Variants in IQCM observed in about 807,000 individuals in gnomAD.
IQCM encodes the protein IQ motif containing M.
Under a neutral mutation model 57.6 loss-of-function variants are expected in IQCM, and 45 were observed. That is an observed-to-expected ratio of 0.78 (90% CI 0.62 to 1.00). IQCM has a LOEUF of 1.00. Ranked by LOEUF, IQCM falls within the 50% of genes least tolerant of loss-of-function variation. The pLI, the probability that IQCM is intolerant of heterozygous loss-of-function variation, is 0.00. For missense variants in IQCM, 468 were observed against 511.6 expected, an observed-to-expected ratio of 0.91 and a Z score of 0.82; for synonymous variants, 148 against 158.9, an observed-to-expected ratio of 0.93 and a Z score of 0.51.
At chr4:149,494,676 G>A (rs1254551441) in intron 12 of IQCM, among the ~76,000 whole-genome samples, 1 of 152,072 alleles carries the variant, frequency 6.6e-6, no homozygotes, top group Non-Finnish European at 1.5e-5. Context: ...TTCTTGACAA[G>A]CATAAAGAAT....
At chr4:149,487,647 C>T (rs1214693609) in intron 12 of IQCM, among the ~76,000 whole-genome samples, 5 of 152,156 alleles carry the variant, frequency 3.3e-5, no homozygotes, top group African/African-American at 7.2e-5. Context: ...AGGTAAGCTC[C>T]AAGTGCTCCC....
At chr4:149,563,916 A>T in intron 9 of IQCM, 26 bp from the exon 10 acceptor site, 2 of 1,101,914 alleles carry the variant, frequency 1.8e-6, no homozygotes, top group Non-Finnish European at 2.3e-6. Context: ...ATTTCTTATT[A>T]TACATAATAT....
intron 7 of IQCM, among the ~76,000 whole-genome samples, chr4:149,653,333 A>G (rs1355898100): frequency 6.6e-6 from 1 of 152,154 alleles, no homozygotes; most frequent in East Asian, 1.9e-4. Flanking sequence ...AGACAAAGCC[A>G]CTAAGAATTT....
intron 9 of IQCM, among the ~76,000 whole-genome samples, chr4:149,574,286 T>G (rs1456547385): frequency 6.6e-6 from 1 of 151,992 alleles, no homozygotes; most frequent in Non-Finnish European, 1.5e-5. Context: ...GAGCAAATTG[T>G]CATTTTTACA....
intron 5 of IQCM, among the ~76,000 whole-genome samples, chr4:149,714,264 C>T (rs1764807229): frequency 6.6e-6 from 1 of 152,152 alleles, no homozygotes; most frequent in African/African-American, 2.4e-5. Context: ...TCCTCACTTG[C>T]TGCTCCTTCT....
At chr4:149,527,125 T>C (rs891605622) in intron 12 of IQCM, among the ~76,000 whole-genome samples, 2 of 152,152 alleles carry the variant, frequency 1.3e-5, no homozygotes, top group South Asian at 2.1e-4. Context: ...ATGATTATCG[T>C]TCCCATAAAC....
intron 9 of IQCM, among the ~76,000 whole-genome samples, chr4:149,568,357 A>C (rs1750833654): frequency 6.6e-6 from 1 of 152,138 alleles, no homozygotes; most frequent in African/African-American, 2.4e-5. Flanking sequence ...ATGATCCTTG[A>C]CCTTGTTACA....
At chr4:149,773,784 A>G (rs1336053850) in intron 2 of IQCM, among the ~76,000 whole-genome samples, 1 of 152,136 alleles carries the variant, frequency 6.6e-6, no homozygotes, top group Non-Finnish European at 1.5e-5. Context: ...GCAAGTGTTC[A>G]ATACTACTGG....
At chr4:149,702,035 G>T (rs1763809627) in intron 5 of IQCM, among the ~76,000 whole-genome samples, 1 of 151,856 alleles carries the variant, frequency 6.6e-6, no homozygotes, top group Non-Finnish European at 1.5e-5. Flanking sequence ...ATCTAATCCA[G>T]TATAAATATT....
chr4:149,665,104 T>G (rs1167809000), intron 7 of IQCM, among the ~76,000 whole-genome samples: 2 of 152,080 alleles, frequency 1.3e-5, no homozygotes, highest in African/African-American at 2.4e-5. Context: ...GCCTCACAAA[T>G]GGAAAGAGTC....
intron 7 of IQCM, among the ~76,000 whole-genome samples, chr4:149,673,303 C>G (rs867507968): frequency 6.6e-6 from 1 of 152,018 alleles, no homozygotes; most frequent in Non-Finnish European, 1.5e-5. Flanking sequence ...GGGCTAAATG[C>G]TCCAATTAAA....
intron 12 of IQCM, among the ~76,000 whole-genome samples, chr4:149,478,492 T>C (rs1740443492): frequency 2.0e-5 from 3 of 152,194 alleles, no homozygotes; most frequent in Admixed American, 2.0e-4. Context: ...AATGTCATGA[T>C]ACATAATTAG....
At chr4:149,806,707 A>G (rs1774112446) in intron 2 of IQCM, among the ~76,000 whole-genome samples, 1 of 151,876 alleles carries the variant, frequency 6.6e-6, no homozygotes, top group Non-Finnish European at 1.5e-5. Flanking sequence ...AGGATCAAAA[A>G]TCTTATGACC....
At chr4:149,353,887 A>G (rs1314068377) in intron 13 of IQCM, among the ~76,000 whole-genome samples, 1 of 152,082 alleles carries the variant, frequency 6.6e-6, no homozygotes, top group Non-Finnish European at 1.5e-5. Flanking sequence ...AGGCAATACA[A>G]TTGTACCGTA....
intron 7 of IQCM, among the ~76,000 whole-genome samples, chr4:149,674,600 T>A (rs982116733): frequency 6.6e-6 from 1 of 151,724 alleles, no homozygotes; most frequent in Non-Finnish European, 1.5e-5. Context: ...ATGAAAAGAG[T>A]GATGGATTGA....
At chr4:149,407,378 T>C (rs1337898946) in intron 13 of IQCM, among the ~76,000 whole-genome samples, 1 of 152,162 alleles carries the variant, frequency 6.6e-6, no homozygotes, top group Non-Finnish European at 1.5e-5. Flanking sequence ...TACATGATTA[T>C]ATTGAGTAGT....
chr4:149,543,265 A>C (rs1420742296), intron 12 of IQCM, among the ~76,000 whole-genome samples: 1 of 152,116 alleles, frequency 6.6e-6, no homozygotes, highest in African/African-American at 2.4e-5. Flanking sequence ...TGTAAAACTT[A>C]TTTATAGCTT....
chr4:149,412,436 A>C (rs1733453953), intron 13 of IQCM, among the ~76,000 whole-genome samples: 1 of 152,178 alleles, frequency 6.6e-6, no homozygotes, highest in African/African-American at 2.4e-5. Context: ...TCTTTGAGTC[A>C]TTGTGCACTG....
At chr4:149,510,551 A>G (rs1412416008) in intron 12 of IQCM, among the ~76,000 whole-genome samples, 1 of 152,160 alleles carries the variant, frequency 6.6e-6, no homozygotes, top group Non-Finnish European at 1.5e-5. Flanking sequence ...ATCTTCCATC[A>G]TCATGAGACA....
Sources: allele counts gnomAD v4.1 joint callset (sites outside exome capture counted in the v4.1 genomes callset), GRCh38; gene constraint gnomAD v4.1.1; transcripts MANE v1.5; gene names NCBI Gene and HGNC (gene_info 2026-07-23, HGNC 2026-07-21).